Variants in PROSER2 observed in about 807,000 individuals in gnomAD.
The protein encoded by PROSER2 is proline and serine-rich protein 2.
In PROSER2, 18 loss-of-function variants were observed where a neutral mutation model predicts 14.6. That is an observed-to-expected ratio of 1.23 (90% CI 0.85 to 1.83). The LOEUF (loss-of-function observed/expected upper bound fraction) is 1.83. Ranked by LOEUF, PROSER2 falls within the 40% of genes most tolerant of loss-of-function variation. PROSER2 has a pLI of 0.00. For missense variants in PROSER2, 823 were observed against 629.8 expected, an observed-to-expected ratio of 1.31 and a Z score of -3.28; for synonymous variants, 367 against 286.4, an observed-to-expected ratio of 1.28 and a Z score of -2.84.
At chr10:11,826,724 C>A (rs1025401100) in intron 1 of PROSER2, among the ~76,000 whole-genome samples, 6 of 151,942 alleles carry the variant, frequency 3.9e-5, no homozygotes, top group Non-Finnish European at 7.4e-5. Flanking sequence ...ACCACAGATG[C>A]CGCCCACCAC....
chr10:11,835,346 T>C (rs1000582962), intron 1 of PROSER2, among the ~76,000 whole-genome samples: 1 of 151,874 alleles, frequency 6.6e-6, no homozygotes. Flanking sequence ...TGTGTGAACG[T>C]AGAGAAGGAA....
intron 1 of PROSER2, among the ~76,000 whole-genome samples, chr10:11,846,388 T>C (rs1369187728): frequency 6.6e-6 from 1 of 152,138 alleles, no homozygotes; most frequent in Non-Finnish European, 1.5e-5. Flanking sequence ...CTGTGTTGGG[T>C]CTCTTAACCT....
At chr10:11,826,838 C>G (rs572822790) in intron 1 of PROSER2, among the ~76,000 whole-genome samples, 1 of 151,176 alleles carries the variant, frequency 6.6e-6, no homozygotes, top group African/African-American at 2.4e-5. Context: ...CTTCGGCCTC[C>G]CAAAGTGCTG....
Position 11,837,155 on chromosome 10 carries a change from A to G in PROSER2, c.-82+13685A>G, listed in dbSNP as rs1833773125. Among the ~76,000 whole-genome samples, 1 of 152,194 alleles carries G rather than the reference A, an allele frequency of 6.6e-6. No individual in the cohort carries two copies. The highest frequency in any genetic ancestry group is 1.5e-5 in the Non-Finnish European group (1 of 68,042). On this transcript the variant is annotated intron_variant, in intron 1 of 3. Transcript: ENST00000277570. The surrounding 1 kb of genome is among the most constrained non-coding windows in gnomAD (Gnocchi z 4.6). ...GGCTGGTAATTTGTATATGCTGAAG[A>G]GAAGCTACCAAGTGCTTCCTTTAAG... is the stretch of plus-strand genomic sequence containing the variant.
chr10:11,842,146 C>T (rs1479457806), intron 1 of PROSER2, among the ~76,000 whole-genome samples: 1 of 150,982 alleles, frequency 6.6e-6, no homozygotes, highest in Admixed American at 6.6e-5. Flanking sequence ...CGCTTGAACC[C>T]GGGAGGTGGA....
chr10:11,839,208 A>G (rs1423766844), intron 1 of PROSER2, among the ~76,000 whole-genome samples: 2 of 152,206 alleles, frequency 1.3e-5, no homozygotes, highest in East Asian at 1.9e-4. Flanking sequence ...TCTACTCCAC[A>G]CATTACACTG....
chr10:11,862,282 A>G lies in PROSER2; in HGVS notation c.139-4249A>G, dbSNP rs531441071. Among the ~76,000 whole-genome samples, 27 of 152,334 alleles carry G rather than the reference A, an allele frequency of 1.8e-4. 1 individual carries two copies. The highest frequency in any genetic ancestry group is 1.6e-3 in the Admixed American group (24 of 15,304). ...ATGCGTGTGTTTATGTGAATATGCAAATTGACAAACTGATACTAAAATTTA... is the reference window on the plus strand; with the variant it reads ...ATGCGTGTGTTTATGTGAATATGCAGATTGACAAACTGATACTAAAATTTA... On this transcript the variant is annotated intron_variant, in intron 2 of 3. Transcript: ENST00000277570. The surrounding 1 kb of genome is among the most constrained non-coding windows in gnomAD (Gnocchi z 4.2).
chr10:11,836,421 T>A lies in PROSER2; in HGVS notation c.-82+12951T>A, dbSNP rs1331036064. 6.6e-6 allele frequency among the ~76,000 whole-genome samples: 1 copy of A among 152,172 alleles called. No individual in the cohort carries two copies. Among genetic ancestry groups the A allele is most frequent in the Non-Finnish European group, 1.5e-5 (1 of 68,044 alleles). ...CATGTTAGCCAGGCTGGTCTCGATC[T>A]CCTGACCTCAGGTGATCCTCCCACC... On this transcript the variant is annotated intron_variant, in intron 1 of 3. Coordinates refer to ENST00000277570, the MANE Select transcript of PROSER2 (RefSeq NM_153256.4). This position sits in a 1 kb window ranked among gnomAD's most constrained non-coding sequence, Gnocchi z 4.6.
At chr10:11,827,289 A>C (rs925959928) in intron 1 of PROSER2, among the ~76,000 whole-genome samples, 10 of 152,104 alleles carry the variant, frequency 6.6e-5, no homozygotes, top group Non-Finnish European at 1.5e-5. Context: ...GTTGCTGGAC[A>C]TCTCTTCAGA....
chr10:11,826,191 CG>C (rs1187001625), intron 1 of PROSER2, among the ~76,000 whole-genome samples: 1 of 152,142 alleles, frequency 6.6e-6, no homozygotes, highest in East Asian at 1.9e-4. Context: ...GTCCGTGTCG[CG>C]GCGTGTATCG....
chr10:11,861,313 C>T (rs934118871), intron 2 of PROSER2, among the ~76,000 whole-genome samples: 2 of 152,166 alleles, frequency 1.3e-5, no homozygotes, highest in African/African-American at 4.8e-5. Context: ...GGTAACCATG[C>T]ACGCCGTGTT....
At chr10:11,851,004 A>C (rs1564307898) in intron 1 of PROSER2, 1 of 152,228 alleles carries the variant, frequency 6.6e-6, no homozygotes, top group Non-Finnish European at 1.5e-5. Context: ...GGATCACTTG[A>C]GCTCAGGAGT....
At position 11,869,716 on chromosome 10, in the gene PROSER2, G is replaced by C; in HGVS notation, c.618G>C (p.Ala206=). ...VMAQKISERM[A]GNEALSPTSP... The stretch of plus-strand genomic sequence containing the variant: ...CGCAGAAGATTTCCGAGAGGATGGC[G>C]GGGAACGAAGCCCTCTCGCCCACCT... The change falls in exon 4 of 4, where the codon GCG becomes GCC. Residue 206 remains alanine, a synonymous_variant. Coordinates refer to ENST00000277570, the MANE Select transcript of PROSER2 (RefSeq NM_153256.4). The surrounding 1 kb of genome is among the most constrained non-coding windows in gnomAD (Gnocchi z 4.4). 1 of 1,593,310 alleles carries C rather than the reference G, an allele frequency of 6.3e-7. No individual in the cohort carries two copies. Among genetic ancestry groups the C allele is most frequent in the Non-Finnish European group, 8.5e-7 (1 of 1,170,908 alleles).
Position 11,862,471 on chromosome 10 carries a change from T to A in PROSER2, c.139-4060T>A, listed in dbSNP as rs1470199750. On this transcript the variant is annotated intron_variant, in intron 2 of 3. Transcript: ENST00000277570. This position sits in a 1 kb window ranked among gnomAD's most constrained non-coding sequence, Gnocchi z 4.2. ...CTTTGGGAAGCTGAGGCCAGAGGACTGCCTGAGCCCAGGAGTTCAAGATCA... is the reference window on the plus strand; with the variant it reads ...CTTTGGGAAGCTGAGGCCAGAGGACAGCCTGAGCCCAGGAGTTCAAGATCA... Among the ~76,000 whole-genome samples, 2 of 152,196 alleles carry A rather than the reference T, an allele frequency of 1.3e-5. No homozygotes were observed. The highest frequency in any genetic ancestry group is 2.9e-5 in the Non-Finnish European group (2 of 68,032).
rs764878909 is a variant in PROSER2, at chr10:11,856,981, A to T, written c.138+4766A>T. Reference sequence around the variant, plus strand: ...GCCTTCTCACCCAGCTGGAATCCAAATGGTCCTGGTCAAACAGCTGCTTTA... The same window carrying T: ...GCCTTCTCACCCAGCTGGAATCCAATTGGTCCTGGTCAAACAGCTGCTTTA... On this transcript the variant is annotated intron_variant, in intron 2 of 3. Coordinates refer to ENST00000277570, the MANE Select transcript of PROSER2 (RefSeq NM_153256.4). The surrounding 1 kb of genome is among the most constrained non-coding windows in gnomAD (Gnocchi z 5.3). Among the ~76,000 whole-genome samples, 1 of 152,168 alleles carries T rather than the reference A, an allele frequency of 6.6e-6. No individual in the cohort carries two copies. Among genetic ancestry groups the T allele is most frequent in the Non-Finnish European group, 1.5e-5 (1 of 68,020 alleles).
At chr10:11,848,708 C>T (rs1342599821) in intron 1 of PROSER2, among the ~76,000 whole-genome samples, 1 of 152,216 alleles carries the variant, frequency 6.6e-6, no homozygotes, top group Non-Finnish European at 1.5e-5. Flanking sequence ...GACCTCATCC[C>T]CCCAGTTTGC....
At chr10:11,824,379 G>T (rs1833582788) in intron 1 of PROSER2, among the ~76,000 whole-genome samples, 1 of 152,170 alleles carries the variant, frequency 6.6e-6, no homozygotes, top group African/African-American at 2.4e-5. Flanking sequence ...CAAACCAGGC[G>T]TACGTGGAAA....
intron 2 of PROSER2, among the ~76,000 whole-genome samples, chr10:11,863,303 A>G (rs1357531425): frequency 6.6e-6 from 1 of 152,144 alleles, no homozygotes; most frequent in Admixed American, 6.6e-5. Flanking sequence ...TGGGCATTTG[A>G]ATACCTCTCA....
chr10:11,857,639 G>A (rs1412677326), intron 2 of PROSER2, among the ~76,000 whole-genome samples: 2 of 151,270 alleles, frequency 1.3e-5, no homozygotes, highest in African/African-American at 4.9e-5. Context: ...CAGCTGCTCC[G>A]GAGGCTGAGG....
Sources: allele counts gnomAD v4.1 joint callset (sites outside exome capture counted in the v4.1 genomes callset), GRCh38; gene constraint gnomAD v4.1.1; non-coding constraint Gnocchi (gnomAD v3.1); transcripts MANE v1.5; gene names NCBI Gene and HGNC (gene_info 2026-07-23, HGNC 2026-07-21).